The following PARP9 variants were observed in gnomAD, a reference collection of about 807,000 sequenced individuals.
PARP9 encodes poly(ADP-ribose) polymerase family member 9.
PARP9 carries 48 observed loss-of-function variants against 68.8 expected under a neutral mutation model. The ratio of observed to expected loss-of-function variants is 0.70; its 90% CI spans 0.55 to 0.89. PARP9 has a LOEUF of 0.89. Among genes scored for constraint, PARP9 ranks in the 40% least tolerant of loss-of-function variants. The probability of loss-of-function intolerance (pLI) is 0.00; values close to 1 mark genes in which losing one functional copy is unlikely to be tolerated. For missense variants in PARP9, 806 were observed against 969.3 expected, an observed-to-expected ratio of 0.83 and a Z score of 2.24; for synonymous variants, 309 against 333.8, an observed-to-expected ratio of 0.93 and a Z score of 0.81.
chr3:122,536,410 T>C (rs2077645906), intron 9 of PARP9, 68 bp from the exon 10 acceptor site: 2 of 1,552,660 alleles, frequency 1.3e-6, no homozygotes, highest in Non-Finnish European at 8.6e-7. Context: ...CCTGCTATAC[T>C]GCTTCAAAAA....
intron 2 of PARP9, 127 bp downstream of exon 2, chr3:122,559,479 T>C (rs1301346137): frequency 5.9e-6 from 5 of 848,440 alleles, no homozygotes; most frequent in Admixed American, 6.0e-5. Flanking sequence ...GAGAAAACTT[T>C]ATTGAGCTAT....
At chr3:122,562,193 C>A (rs924744194) in intron 1 of PARP9, among the ~76,000 whole-genome samples, 4 of 97,646 alleles carry the variant, frequency 4.1e-5, no homozygotes, top group African/African-American at 5.8e-5. Context: ...CTTTTCTTTT[C>A]TTTTCTTTTC....
intron 10 of PARP9, chr3:122,534,981 T>C (rs2077541173): frequency 1.0e-5 from 10 of 981,212 alleles, no homozygotes; most frequent in Non-Finnish European, 1.2e-5. Flanking sequence ...GTGGGTGTCT[T>C]AGATGTTTTA....
chr3:122,533,604 T>G, intron 10 of PARP9: 3 of 831,064 alleles, frequency 3.6e-6, no homozygotes, highest in Non-Finnish European at 4.4e-6. Context: ...AACTCTATGG[T>G]TTTTTATTTA....
intron 4 of PARP9, among the ~76,000 whole-genome samples, chr3:122,553,154 CA>C (rs1424849218): frequency 3.3e-5 from 5 of 152,166 alleles, no homozygotes; most frequent in Admixed American, 2.6e-4. Flanking sequence ...AAAAGGTCTT[CA>C]ATGAAAAGTA....
chr3:122,564,497 G>A, upstream of PARP9: 4 of 1,612,952 alleles, frequency 2.5e-6, no homozygotes, highest in Non-Finnish European at 3.4e-6. Flanking sequence ...CGAGTACGAA[G>A]GAAGCTGGAG....
rs555861603 is a variant in PARP9 at position 122,530,605 on chromosome 3, C to A, written c.2081-1862G>T. Among the ~76,000 whole-genome samples the A allele has an allele frequency of 2.0e-5, 3 of 152,288 alleles. No homozygotes were observed. In the South Asian group the frequency reaches 6.2e-4, roughly 32 times the overall value. On this transcript the variant is annotated intron_variant, in intron 10 of 10. Transcript: ENST00000682323. ...AATCCCTGTTCACTGCCCTTTCTGA[C>A]CTCACTTAGAGGGAAAAAAATTATA...
At chr3:122,540,393 A>C in intron 8 of PARP9, 79 bp downstream of exon 8, 1 of 1,514,808 alleles carries the variant, frequency 6.6e-7, no homozygotes, top group Non-Finnish European at 8.9e-7. Flanking sequence ...TCTTACCCAC[A>C]TCCATACATA....
At chr3:122,546,447 C>G (rs576267535) in intron 6 of PARP9, among the ~76,000 whole-genome samples, 1 of 152,276 alleles carries the variant, frequency 6.6e-6, no homozygotes, top group South Asian at 2.1e-4. Flanking sequence ...CAACTATAGG[C>G]AAATATAAGT....
At chr3:122,559,138 C>G (rs1299317835) in intron 2 of PARP9, among the ~76,000 whole-genome samples, 1 of 152,184 alleles carries the variant, frequency 6.6e-6, no homozygotes, top group Non-Finnish European at 1.5e-5. Flanking sequence ...TCCAAAAGCT[C>G]ATGGGGTTTC....
At chr3:122,551,026 T>G (rs1206070253) in intron 5 of PARP9, among the ~76,000 whole-genome samples, 14 of 152,154 alleles carry the variant, frequency 9.2e-5, no homozygotes, top group Admixed American at 6.5e-5. Context: ...CTTGTGCTAT[T>G]CAGGACATGA....
At position 122,529,990 on chromosome 3, in the gene PARP9, A is replaced by G. The variant is rs189619569; in HGVS notation, c.2081-1247T>C. 1.6e-3 allele frequency among the ~76,000 whole-genome samples: 242 copies of G among 152,152 alleles called. 4 individuals are homozygous for G. Among genetic ancestry groups the G allele is most frequent in the African/African-American group, 5.4e-3 (223 of 41,532 alleles). The stretch of plus-strand genomic sequence containing the variant: ...TGGATCGCTTAAGCCCAGTATGGGC[A>G]ACATGGCAAAACCCTATCCCCACAA... On this transcript the variant is annotated intron_variant, in intron 10 of 10. Coordinates refer to ENST00000682323, the MANE Select transcript of PARP9 (RefSeq NM_001146105.2).
chr3:122,545,530 T>G, intron 6 of PARP9, 41 bp from the exon 7 acceptor site: 1 of 1,591,286 alleles, frequency 6.3e-7, no homozygotes, highest in Non-Finnish European at 8.6e-7. Flanking sequence ...TAAGCAGGGC[T>G]GATAGCCATT....
chr3:122,542,222 A>C (rs1236406019), intron 7 of PARP9, among the ~76,000 whole-genome samples: 131 of 95,692 alleles, frequency 1.4e-3, no homozygotes, highest in Admixed American at 2.4e-3. Context: ...CCCTCCCCCT[A>C]CCCCTTTCTT....
rs1313995592 is a variant in PARP9, at chr3:122,540,672, T to A, written c.1565A>T (p.Lys522Met). The change falls in exon 8 of 11, where the codon AAG (lysine) becomes ATG (methionine). Residue 522 changes from lysine to methionine, a missense_variant. Lys to Met is a moderately conservative substitution (Grantham distance 95, BLOSUM62 -1). Coordinates refer to ENST00000682323, the MANE Select transcript of PARP9 (RefSeq NM_001146105.2). ...AAGCTGAGACAAAATGTCATGTTCC[T>A]TTCTCCCAAGGTACAGAATATGATT... ...ENNHILYLGR[K>M]EHDILSQLQK... 1 of 1,614,092 alleles carries A rather than the reference T, an allele frequency of 6.2e-7. No homozygotes were observed. The highest frequency in any genetic ancestry group is 1.3e-5 in the African/African-American group (1 of 74,936).
At chr3:122,548,151 A>C (rs1306098951) in intron 6 of PARP9, among the ~76,000 whole-genome samples, 2 of 152,254 alleles carry the variant, frequency 1.3e-5, no homozygotes, top group African/African-American at 4.8e-5. Context: ...AAGCAGCCAC[A>C]GAAATCAGCA....
chr3:122,547,009 TATATACAC>T (rs1197405946), intron 6 of PARP9, among the ~76,000 whole-genome samples: 4 of 93,902 alleles, frequency 4.3e-5, no homozygotes, highest in Non-Finnish European at 8.5e-5. Context: ...TATATATATA[TATATACAC>T]ACACACACAT....
At chr3:122,558,221 G>T in intron 3 of PARP9, 1 of 1,342,676 alleles carries the variant, frequency 7.4e-7, no homozygotes. Context: ...ACATTTACGG[G>T]CAAAGGAGAG....
At position 122,559,623 on chromosome 3, in the gene PARP9, T is replaced by A; in HGVS notation, c.-3A>T. 6.3e-7 allele frequency: 1 copy of A among 1,589,970 alleles called. No homozygotes were observed. Among genetic ancestry groups the A allele is most frequent in the Non-Finnish European group, 8.6e-7 (1 of 1,168,124 alleles). ...CTTTTTACCATGGAAAAGTCCATCCTCCAGGTCCCCGGGGGAGTCTTTAAA... is the reference window on the plus strand; with the variant it reads ...CTTTTTACCATGGAAAAGTCCATCCACCAGGTCCCCGGGGGAGTCTTTAAA... On this transcript the variant is annotated 5_prime_UTR_variant, in exon 2 of 11. Transcript: ENST00000682323.
Sources: allele counts gnomAD v4.1 joint callset (sites outside exome capture counted in the v4.1 genomes callset), GRCh38; gene constraint gnomAD v4.1.1; transcripts MANE v1.5; gene names NCBI Gene and HGNC (gene_info 2026-07-23, HGNC 2026-07-21).